The following TP53BP1 variants were observed in gnomAD, a reference collection of about 807,000 sequenced individuals.
TP53BP1 encodes the protein tumor protein p53 binding protein 1.
TP53BP1 carries 61 observed loss-of-function variants against 200.8 expected under a neutral mutation model. That is an observed-to-expected ratio of 0.30 (90% CI 0.25 to 0.38). The LOEUF (loss-of-function observed/expected upper bound fraction) is 0.38. Among genes scored for constraint, TP53BP1 ranks in the 10% least tolerant of loss-of-function variants. The probability of loss-of-function intolerance (pLI) is 1.00; values close to 1 mark genes in which losing one functional copy is unlikely to be tolerated. For missense variants in TP53BP1, 2,144 were observed against 2,371.9 expected (o/e 0.90, Z 2.00); for synonymous variants, 822 against 844.3 (o/e 0.97, Z 0.46).
chr15:43,481,111 T>C, intron 4 of TP53BP1, 89 bp from the exon 5 acceptor site: 1 of 1,493,290 alleles, frequency 6.7e-7, no homozygotes, highest in Non-Finnish European at 9.2e-7. Flanking sequence ...ATACCAACCA[T>C]CTCTTAGCCA....
chr15:43,408,548 G>A (rs2045001840), intron 26 of TP53BP1: 2 of 311,428 alleles, frequency 6.4e-6, no homozygotes, highest in Admixed American at 4.5e-5. Context: ...TGTATTCCTT[G>A]CATTCCTGGC....
At position 43,415,733 on chromosome 15, in the gene TP53BP1, G is replaced by A. The variant is rs1235142458; in HGVS notation, c.4950C>T (p.Ser1650=). The A allele has an allele frequency of 2.5e-6, 4 of 1,614,160 alleles. No individual in the cohort carries two copies. The highest frequency in any genetic ancestry group is 1.7e-5 in the Admixed American group (1 of 60,028). ...SPATPTASSS[S]STTPTRKITE... ...TGATCTTTCGGGTAGGGGTTGTGCT[G>A]CTGCTACTGGAGGCAGTAGGGGTGG... The change falls in exon 23 of 28, where the codon AGC becomes AGT. Residue 1650 remains serine (S), a synonymous_variant. Coordinates refer to ENST00000382044, the MANE Select transcript of TP53BP1 (RefSeq NM_001141980.3).
Position 43,491,703 on chromosome 15 carries a change from T to C in TP53BP1, c.337A>G (p.Ile113Val). 1 of 1,614,106 alleles carries C rather than the reference T, an allele frequency of 6.2e-7. No individual in the cohort carries two copies. The highest frequency in any genetic ancestry group is 1.7e-5 in the Admixed American group (1 of 60,002). The change falls in exon 4 of 28, where the codon ATT (isoleucine) becomes GTT (valine). Residue 113 changes from isoleucine (I) to valine (V), a missense_variant. Ile to Val is a conservative substitution (Grantham distance 29). Around this residue, in one of 4 missense-constraint regions of TP53BP1, gnomAD observed 1,700 missense variants for 1,710.3 expected, o/e 0.99. Transcript: ENST00000382044. ...LDTCGSISQVIEQLPQPNRTS... is the reference protein window; with the variant it reads ...LDTCGSISQVVEQLPQPNRTS... ...CTGTTTGGCTGAGGTAACTGCTCAA[T>C]GACCTGACTGATGGAACCACATGTG...
At chr15:43,426,741 G>A (rs375390035) in intron 18 of TP53BP1, among the ~76,000 whole-genome samples, 115 of 151,640 alleles carry the variant, frequency 7.6e-4, no homozygotes, top group African/African-American at 2.6e-3. Context: ...TGCCGGGCGC[G>A]GTGGCTCACA....
At chr15:43,429,286 T>TA (rs1054918332) in intron 17 of TP53BP1, among the ~76,000 whole-genome samples, 15 of 152,088 alleles carry the variant, frequency 9.9e-5, no homozygotes, top group Middle Eastern at 3.4e-3. Context: ...TGCCTGTGGC[T>TA]AAAAAAAAGT....
rs779765787 is a variant in TP53BP1, at chr15:43,404,351, A to G, written c.*3032T>C. The G allele has an allele frequency of 6.9e-6, 11 of 1,595,872 alleles. No homozygotes were observed. The highest frequency in any genetic ancestry group is 9.4e-6 in the Non-Finnish European group (11 of 1,168,560). On this transcript the variant is annotated 3_prime_UTR_variant, in exon 28 of 28. Transcript: ENST00000382044. ...CCAAGAAACTCCTCCCTCCGCCCCCATCCTCCATATGGAGAGTTGGTGAGC... is the reference window on the plus strand; with the variant it reads ...CCAAGAAACTCCTCCCTCCGCCCCCGTCCTCCATATGGAGAGTTGGTGAGC...
intron 24 of TP53BP1, among the ~76,000 whole-genome samples, chr15:43,411,492 A>C (rs1595520099): frequency 6.6e-6 from 1 of 152,232 alleles, no homozygotes. Context: ...ATTCCTATTT[A>C]TCTGTAACAT....
chr15:43,409,324 C>T (rs17725343), intron 25 of TP53BP1: 13,100 of 587,522 alleles, frequency 0.022, 234 homozygotes, highest in Middle Eastern at 0.042. Context: ...AAATCCTCAA[C>T]GGACAACCAA....
upstream of TP53BP1, among the ~76,000 whole-genome samples, chr15:43,493,452 T>C (rs2079157652): frequency 6.6e-6 from 1 of 152,170 alleles, no homozygotes; most frequent in Non-Finnish European, 1.5e-5. Context: ...TACCTCTACC[T>C]GCTTTTTCTC....
At chr15:43,460,007 G>A (rs554289317) in intron 11 of TP53BP1, among the ~76,000 whole-genome samples, 15 of 152,158 alleles carry the variant, frequency 9.9e-5, no homozygotes, top group Non-Finnish European at 1.5e-4. Flanking sequence ...ACTTTTTAGG[G>A]TGAGGGAACT....
Position 43,493,089 on chromosome 15 carries a change from T to C in TP53BP1, c.-46A>G. The C allele has an allele frequency of 6.2e-7, 1 of 1,609,720 alleles. No homozygotes were observed. On this transcript the variant is annotated 5_prime_UTR_variant, in exon 1 of 28. Coordinates refer to ENST00000382044, the MANE Select transcript of TP53BP1 (RefSeq NM_001141980.3). ...GCTCGAGCTAGAGGTCTCTGCACGCTCCCCAAGTCCCTCCAGATCGATCCC... is the reference window on the plus strand; with the variant it reads ...GCTCGAGCTAGAGGTCTCTGCACGCCCCCCAAGTCCCTCCAGATCGATCCC...
At chr15:43,443,543 T>C (rs1046602084) in intron 14 of TP53BP1, among the ~76,000 whole-genome samples, 5 of 151,834 alleles carry the variant, frequency 3.3e-5, no homozygotes, top group African/African-American at 1.2e-4. Context: ...AATACAAAAA[T>C]TAACCAGGCA....
At chr15:43,432,086 C>G in intron 17 of TP53BP1, 108 bp downstream of exon 17, 1 of 1,474,004 alleles carries the variant, frequency 6.8e-7, no homozygotes, top group Non-Finnish European at 9.1e-7. Flanking sequence ...CTGTTCTGTA[C>G]AAAACTGTCA....
chr15:43,436,842 C>T (rs906243342), intron 16 of TP53BP1, among the ~76,000 whole-genome samples: 9 of 151,950 alleles, frequency 5.9e-5, no homozygotes, highest in South Asian at 2.1e-4. Flanking sequence ...TCCTGCCTCA[C>T]GACTGTTCTA....
intron 4 of TP53BP1, among the ~76,000 whole-genome samples, chr15:43,485,607 C>T (rs1229246449): frequency 9.1e-6 from 1 of 110,374 alleles, no homozygotes; most frequent in Non-Finnish European, 1.8e-5. Context: ...CTTTGGGAGG[C>T]CGAGATGGGC....
chr15:43,474,634 TTCTAA>T (rs1566957086), intron 10 of TP53BP1, 34 bp downstream of exon 10: 1 of 1,436,744 alleles, frequency 7.0e-7, no homozygotes, highest in Admixed American at 1.8e-5. Context: ...GTTGCTCCTC[TTCTAA>T]TCTGAGATCA....
chr15:43,443,118 A>C (rs2045967363), intron 14 of TP53BP1, among the ~76,000 whole-genome samples: 1 of 151,788 alleles, frequency 6.6e-6, no homozygotes. Context: ...GAGCCACCAC[A>C]CCCGGCCAGC....
At position 43,480,872 on chromosome 15, in the gene TP53BP1, T is replaced by C. The variant is rs780398349; in HGVS notation, c.499+23A>G. On this transcript the variant is annotated intron_variant, in intron 5 of 27. Coordinates refer to ENST00000382044, the MANE Select transcript of TP53BP1 (RefSeq NM_001141980.3). Reference sequence around the variant, plus strand: ...AAAGGGAAGTTAGAACAGTCTATTATTCTGAAAAAAGCACAAGGCTACCTT... The same window carrying C: ...AAAGGGAAGTTAGAACAGTCTATTACTCTGAAAAAAGCACAAGGCTACCTT... 1.5e-5 allele frequency: 24 copies of C among 1,613,580 alleles called. No individual in the cohort carries two copies. In the South Asian group the frequency reaches 2.5e-4, roughly 17 times the overall value.
chr15:43,441,940 C>G (rs553532785), intron 14 of TP53BP1, among the ~76,000 whole-genome samples: 1 of 151,918 alleles, frequency 6.6e-6, no homozygotes, highest in Non-Finnish European at 1.5e-5. Flanking sequence ...TTAGGAAAGA[C>G]AGGGTTTTGC....
Sources: gnomAD v4.1 joint callset for allele counts (sites outside exome capture counted in the v4.1 genomes callset) on GRCh38, gnomAD v4.1.1 for gene constraint, gnomAD v4.1.1 regional missense constraint, MANE v1.5 for transcripts, NCBI Gene and HGNC (gene_info 2026-07-23, HGNC 2026-07-21) for gene names.